The following FOCAD variants were observed in gnomAD, a reference collection of about 807,000 sequenced individuals.
FOCAD encodes focadhesin, also known as KIAA1797.
In FOCAD, 198 loss-of-function variants were observed where a neutral mutation model predicts 225.6. That is an observed-to-expected ratio of 0.88 (90% CI 0.78 to 0.99). The LOEUF (loss-of-function observed/expected upper bound fraction) is 0.99. Among genes scored for constraint, FOCAD ranks in the 50% least tolerant of loss-of-function variants. FOCAD has a pLI of 0.00. For synonymous variants in FOCAD, 897 were observed against 755.0 expected, an observed-to-expected ratio of 1.19 and a Z score of -3.08; for missense variants, 2,713 against 2,123.6, an observed-to-expected ratio of 1.28 and a Z score of -5.46.
chr9:20,884,917 G>T (rs1830981390), intron 20 of FOCAD, among the ~76,000 whole-genome samples, 192 bp from the exon 21 acceptor site: 1 of 151,840 alleles, frequency 6.6e-6, no homozygotes, highest in Middle Eastern at 3.2e-3. Context: ...AAATTAGCCG[G>T]GCATGGTGGC....
In FOCAD at chr9:20,840,997, G is replaced by A. The variant is rs118034881; in HGVS notation, c.1920+17882G>A. Among the ~76,000 whole-genome samples the A allele has an allele frequency of 4.1e-3, 626 of 151,818 alleles. 10 individuals carry two copies. The highest frequency in any genetic ancestry group is 0.022 in the East Asian group (116 of 5,178). ...CAACTGAAATGATTATATGATTTTG[G>A]TGCTTTATTCTATTGATACGATATG... On this transcript the variant is annotated intron_variant, in intron 15 of 43. Transcript: ENST00000338382.
chr9:20,986,266 A>AGTTTTTTT, intron 39 of FOCAD, 22 bp from the exon 40 acceptor site: 1 of 705,686 alleles, frequency 1.4e-6, no homozygotes, highest in South Asian at 2.9e-5. Context: ...TAACTAAACA[A>AGTTTTTTT]TTTTTTTTTT....
rs762936148 is a variant in FOCAD, at chr9:20,781,821, C to T, written c.1089C>T (p.Ala363=). 5 of 1,613,968 alleles carry T rather than the reference C, an allele frequency of 3.1e-6. No homozygotes were observed. In the East Asian group the frequency reaches 6.7e-5, roughly 22 times the overall value. The change falls in exon 10 of 44, where the codon GCC becomes GCT. Residue 363 remains alanine, a synonymous_variant. Transcript: ENST00000338382. ...MPILQILSST[A]LEDCISVDEE... is the part of the protein sequence containing the mutation. ...TTCTGCAGATACTATCTTCTACTGC[C>T]TTGGAAGACTGTATATCTGTGGATG...
At chr9:20,769,262 C>G (rs566952314) in intron 7 of FOCAD, among the ~76,000 whole-genome samples, 62 of 152,240 alleles carry the variant, frequency 4.1e-4, no homozygotes, top group African/African-American at 1.4e-3. Flanking sequence ...ATGGTGATAA[C>G]CACTGGTAAA....
intron 4 of FOCAD, among the ~76,000 whole-genome samples, chr9:20,723,438 A>G (rs545660682): frequency 1.3e-5 from 2 of 152,342 alleles, no homozygotes; most frequent in Admixed American, 6.5e-5. Context: ...CAGCGAGCTG[A>G]AGCTGAAATT....
At chr9:20,913,696 T>A (rs1404596581) in intron 23 of FOCAD, among the ~76,000 whole-genome samples, 1 of 152,194 alleles carries the variant, frequency 6.6e-6, no homozygotes, top group Non-Finnish European at 1.5e-5. Flanking sequence ...TGATTAATTG[T>A]ATTCTAAGTC....
intron 10 of FOCAD, among the ~76,000 whole-genome samples, chr9:20,782,383 G>A (rs1387987860): frequency 6.6e-6 from 1 of 152,068 alleles, no homozygotes; most frequent in Non-Finnish European, 1.5e-5. Context: ...GGCACCTCTT[G>A]CCGTGTTCCC....
At chr9:20,911,400 G>A (rs867563489) in intron 22 of FOCAD, among the ~76,000 whole-genome samples, 1 of 152,120 alleles carries the variant, frequency 6.6e-6, no homozygotes. Context: ...ACCTCACAGG[G>A]TGAGCAACTT....
At chr9:20,755,019 A>C (rs973130755) in intron 5 of FOCAD, among the ~76,000 whole-genome samples, 2 of 152,220 alleles carry the variant, frequency 1.3e-5, no homozygotes, top group African/African-American at 2.4e-5. Flanking sequence ...AAATTGTGGC[A>C]GTTATAATTG....
At chr9:20,981,285 T>G in intron 37 of FOCAD, 141 bp from the exon 38 acceptor site, 1 of 966,328 alleles carries the variant, frequency 1.0e-6, no homozygotes, top group South Asian at 1.6e-5. Flanking sequence ...CGTGAAGCTG[T>G]GGGAAAATGA....
At chr9:20,896,737 T>C (rs926427261) in intron 21 of FOCAD, among the ~76,000 whole-genome samples, 1 of 151,900 alleles carries the variant, frequency 6.6e-6, no homozygotes, top group Non-Finnish European at 1.5e-5. Context: ...TGATGTTAAT[T>C]TCTAAATTTG....
intron 18 of FOCAD, among the ~76,000 whole-genome samples, chr9:20,867,455 G>A (rs1313147643): frequency 6.6e-6 from 1 of 152,008 alleles, no homozygotes; most frequent in Non-Finnish European, 1.5e-5. Flanking sequence ...GGTAGCTCCA[G>A]AAAACTGGAT....
At chr9:20,673,336 G>A (rs1587191932) in intron 2 of FOCAD, among the ~76,000 whole-genome samples, 1 of 152,266 alleles carries the variant, frequency 6.6e-6, no homozygotes, top group East Asian at 1.9e-4. Flanking sequence ...ACACTTTGAG[G>A]AACTGTTGAA....
At chr9:20,743,087 A>G (rs1029962525) in intron 5 of FOCAD, among the ~76,000 whole-genome samples, 1 of 152,212 alleles carries the variant, frequency 6.6e-6, no homozygotes, top group Non-Finnish European at 1.5e-5. Context: ...CAAGAGAGCT[A>G]TGATTACCTG....
intron 21 of FOCAD, among the ~76,000 whole-genome samples, chr9:20,903,673 C>G (rs934126548): frequency 7.9e-5 from 12 of 151,880 alleles, no homozygotes; most frequent in African/African-American, 1.5e-4. Context: ...CCTCTTTTCT[C>G]TTTCTCAAAC....
intron 15 of FOCAD, among the ~76,000 whole-genome samples, chr9:20,850,299 A>G (rs1443057709): frequency 1.3e-5 from 2 of 151,706 alleles, no homozygotes; most frequent in Admixed American, 1.3e-4. Flanking sequence ...ACATTGTATT[A>G]TTTTATTTTT....
chr9:20,835,206 T>G (rs1825879222), intron 15 of FOCAD, among the ~76,000 whole-genome samples: 2 of 152,224 alleles, frequency 1.3e-5, no homozygotes, highest in South Asian at 4.1e-4. Context: ...TACCTTTTTT[T>G]CATGCCATGT....
chr9:20,786,692 A>G (rs17685984), intron 10 of FOCAD, among the ~76,000 whole-genome samples: 30,493 of 152,038 alleles, frequency 0.2, 3,469 homozygotes, highest in South Asian at 0.34. Context: ...TTTGACAAAG[A>G]AGTACTATCA....
chr9:20,951,351 C>T lies in FOCAD; in HGVS notation c.4051+253C>T, dbSNP rs56058720. ...AAAGCTCATACTCTTTTTACTCCTTCTCTCTGCCTCCCTTAGAGAACAGTT... is the reference window on the plus strand; with the variant it reads ...AAAGCTCATACTCTTTTTACTCCTTTTCTCTGCCTCCCTTAGAGAACAGTT... On this transcript the variant is annotated intron_variant, in intron 34 of 43. Coordinates refer to ENST00000338382, the MANE Select transcript of FOCAD (RefSeq NM_001375567.1). Among the ~76,000 whole-genome samples the T allele has an allele frequency of 7.4e-3, 1,131 of 152,284 alleles. 8 individuals carry two copies. Among genetic ancestry groups the T allele is most frequent in the Middle Eastern group, 0.02 (6 of 294 alleles).
Sources: gnomAD v4.1 joint callset for allele counts (sites outside exome capture counted in the v4.1 genomes callset) on GRCh38, gnomAD v4.1.1 for gene constraint, MANE v1.5 for transcripts, NCBI Gene and HGNC (gene_info 2026-07-23, HGNC 2026-07-21) for gene names.